HDAC9: variants seen among roughly 807,000 people sequenced by gnomAD.
The protein encoded by HDAC9 is histone deacetylase 9.
HDAC9 carries 41 observed loss-of-function variants against 139.4 expected under a neutral mutation model. The ratio of observed to expected loss-of-function variants is 0.29; its 90% CI spans 0.23 to 0.38. The LOEUF (loss-of-function observed/expected upper bound fraction) is 0.38, where lower values mean the gene tolerates loss of function less well. Among genes scored for constraint, HDAC9 ranks in the 10% least tolerant of loss-of-function variants. The probability of loss-of-function intolerance (pLI) is 1.00; values close to 1 mark genes in which losing one functional copy is unlikely to be tolerated. For synonymous variants in HDAC9, 517 were observed against 476.2 expected (o/e 1.09, Z -1.12); for missense variants, 1,147 against 1,297.0 (o/e 0.88, Z 1.78).
intron 2 of HDAC9, among the ~76,000 whole-genome samples, chr7:18,244,709 A>T (rs1172553021): frequency 6.6e-6 from 1 of 152,026 alleles, no homozygotes; most frequent in Non-Finnish European, 1.5e-5. Context: ...GAGGCGGGAG[A>T]ATGGCGTGAA....
intron 8 of HDAC9, among the ~76,000 whole-genome samples, chr7:18,637,859 C>T (rs560992770): frequency 6.6e-6 from 1 of 152,066 alleles, no homozygotes; most frequent in South Asian, 2.1e-4. Context: ...TAGACTAAGA[C>T]TGTCAGCAAA....
chr7:18,680,312 G>C (rs1401341798), intron 12 of HDAC9, among the ~76,000 whole-genome samples: 1 of 151,934 alleles, frequency 6.6e-6, no homozygotes, highest in Non-Finnish European at 1.5e-5. Flanking sequence ...GCGTAATGAG[G>C]AGGAAGAAAT....
intron 2 of HDAC9, among the ~76,000 whole-genome samples, chr7:18,267,917 C>T (rs1796102316): frequency 6.6e-6 from 1 of 152,078 alleles, no homozygotes; most frequent in Admixed American, 6.6e-5. Flanking sequence ...TACCTAAACA[C>T]TCTTAAAATA....
At chr7:18,835,098 A>T (rs550686965) in intron 19 of HDAC9, among the ~76,000 whole-genome samples, 2 of 152,288 alleles carry the variant, frequency 1.3e-5, no homozygotes, top group East Asian at 3.9e-4. Context: ...ATAAAACAGG[A>T]TGCAAGATTC....
chr7:18,295,558 T>C (rs1798088427), intron 1 of HDAC9, among the ~76,000 whole-genome samples: 1 of 152,170 alleles, frequency 6.6e-6, no homozygotes, highest in African/African-American at 2.4e-5. Context: ...TTATCTTACT[T>C]CTATCTTTAC....
chr7:18,674,864 A>T (rs1781401230), intron 12 of HDAC9, among the ~76,000 whole-genome samples: 1 of 151,834 alleles, frequency 6.6e-6, no homozygotes, highest in Non-Finnish European at 1.5e-5. Flanking sequence ...TGATGGAAAT[A>T]TTTTTCTTGA....
At chr7:18,971,651 T>C (rs996366298) in intron 24 of HDAC9, among the ~76,000 whole-genome samples, 2 of 152,244 alleles carry the variant, frequency 1.3e-5, no homozygotes, top group African/African-American at 2.4e-5. Context: ...TGAATAGAGA[T>C]AGTCGTCTAT....
At chr7:18,756,012 CTCTA>C (rs1304254117) in intron 14 of HDAC9, among the ~76,000 whole-genome samples, 1 of 152,092 alleles carries the variant, frequency 6.6e-6, no homozygotes, top group Non-Finnish European at 1.5e-5. Flanking sequence ...GGACAGCTCC[CTCTA>C]ACACGTGGTT....
intron 14 of HDAC9, among the ~76,000 whole-genome samples, chr7:18,761,457 TG>T (rs1789382417): frequency 6.6e-6 from 1 of 152,164 alleles, no homozygotes. Context: ...ATGTTAAAAA[TG>T]AAATACGGCA....
intron 17 of HDAC9, among the ~76,000 whole-genome samples, chr7:18,825,897 A>G (rs978852522): frequency 1.3e-5 from 2 of 148,368 alleles, no homozygotes; most frequent in African/African-American, 4.9e-5. Flanking sequence ...AATATATATA[A>G]TGTTATATTT....
At chr7:18,327,615 C>A in intron 1 of HDAC9, 1 of 151,774 alleles carries the variant, frequency 6.6e-6, no homozygotes, top group Admixed American at 6.6e-5. Flanking sequence ...ACATGTATTT[C>A]TGAGGAACTT....
intron 3 of HDAC9, among the ~76,000 whole-genome samples, chr7:18,586,898 C>A (rs540955169): frequency 6.6e-6 from 1 of 152,048 alleles, no homozygotes; most frequent in Non-Finnish European, 1.5e-5. Flanking sequence ...AATACTGAAG[C>A]TTTATTTAAA....
chr7:18,746,973 T>A (rs1788028342), intron 13 of HDAC9, among the ~76,000 whole-genome samples: 1 of 152,134 alleles, frequency 6.6e-6, no homozygotes, highest in Non-Finnish European at 1.5e-5. Context: ...CATTAAAAAC[T>A]GAGCCTTGAA....
At chr7:18,455,371 T>A (rs540013627) in intron 1 of HDAC9, among the ~76,000 whole-genome samples, 8 of 152,326 alleles carry the variant, frequency 5.3e-5, no homozygotes, top group Admixed American at 3.3e-4. Flanking sequence ...TTTTCTCATT[T>A]TTTTGTGTAA....
Position 18,111,582 on chromosome 7 carries a change from G to A in HDAC9, c.-97+24369G>A, listed in dbSNP as rs55929717. On this transcript the variant is annotated intron_variant, in intron 1 of 12. Transcript: ENST00000417496. ...TAATCCATACTGTATACTTTAAATC[G>A]TCTCTATATTACTAATAATACCTAA... 4.2e-3 allele frequency among the ~76,000 whole-genome samples: 639 copies of A among 152,228 alleles called. 3 individuals are homozygous for A. Among genetic ancestry groups the A allele is most frequent in the African/African-American group, 9.0e-3 (374 of 41,538 alleles).
At chr7:18,112,118 C>G (rs1783656706) in intron 1 of HDAC9, among the ~76,000 whole-genome samples, 1 of 152,140 alleles carries the variant, frequency 6.6e-6, no homozygotes, top group African/African-American at 2.4e-5. Context: ...TTTCTATTAT[C>G]TATGCTCTTA....
intron 2 of HDAC9, among the ~76,000 whole-genome samples, chr7:18,163,562 C>A (rs948895099): frequency 2.0e-5 from 3 of 152,148 alleles, no homozygotes; most frequent in Non-Finnish European, 4.4e-5. Flanking sequence ...TGCTTGGGGA[C>A]CACACTTTGG....
At chr7:18,507,147 C>A (rs967026029) in intron 2 of HDAC9, among the ~76,000 whole-genome samples, 2 of 148,292 alleles carry the variant, frequency 1.3e-5, no homozygotes, top group Admixed American at 1.3e-4. Flanking sequence ...ATAACTTATG[C>A]AGGTCTTCCA....
intron 1 of HDAC9, among the ~76,000 whole-genome samples, chr7:18,437,553 TTATATA>T (rs938795008): frequency 6.7e-6 from 1 of 149,512 alleles, no homozygotes; most frequent in African/African-American, 2.4e-5. Flanking sequence ...AATCTGGAAA[TTATATA>T]TATATAATCT....
Sources: gnomAD v4.1 joint callset for allele counts (sites outside exome capture counted in the v4.1 genomes callset) on GRCh38, gnomAD v4.1.1 for gene constraint, MANE v1.5 for transcripts, NCBI Gene and HGNC (gene_info 2026-07-23, HGNC 2026-07-21) for gene names.